Variants in ERBB4 observed in about 807,000 individuals in gnomAD.
The protein encoded by ERBB4 is receptor tyrosine-protein kinase erbB-4.
Under a neutral mutation model 158.0 loss-of-function variants are expected in ERBB4, and 42 were observed. The ratio of observed to expected loss-of-function variants is 0.27; its 90% CI spans 0.21 to 0.34. The LOEUF is 0.34. Among genes scored for constraint, ERBB4 ranks in the 10% least tolerant of loss-of-function variants. The pLI is 1.00. For synonymous variants in ERBB4, 583 were observed against 558.7 expected, an observed-to-expected ratio of 1.04 and a Z score of -0.61; for missense variants, 1,333 against 1,624.1, an observed-to-expected ratio of 0.82 and a Z score of 3.08.
At chr2:212,357,139 C>G (rs890558897) in intron 1 of ERBB4, among the ~76,000 whole-genome samples, 2 of 151,710 alleles carry the variant, frequency 1.3e-5, no homozygotes, top group Non-Finnish European at 2.9e-5. Context: ...TGTCTCTCAG[C>G]TTTTGCTTTT....
At chr2:211,397,569 A>G (rs1376053015) in intron 25 of ERBB4, among the ~76,000 whole-genome samples, 2 of 152,150 alleles carry the variant, frequency 1.3e-5, no homozygotes, top group African/African-American at 2.4e-5. Flanking sequence ...AAAAACATCT[A>G]TCGGCTGAGG....
At chr2:211,855,935 T>A (rs771238530) in intron 3 of ERBB4, among the ~76,000 whole-genome samples, 14 of 152,288 alleles carry the variant, frequency 9.2e-5, no homozygotes, top group Middle Eastern at 3.4e-3. Flanking sequence ...ATTCTACAGA[T>A]GAATGATTAA....
intron 20 of ERBB4, among the ~76,000 whole-genome samples, chr2:211,507,901 T>A (rs568940859): frequency 6.6e-6 from 1 of 152,154 alleles, no homozygotes; most frequent in African/African-American, 2.4e-5. Flanking sequence ...CCCTATTTAA[T>A]AAAAGGTTCT....
chr2:212,459,845 C>A (rs1041877115), intron 1 of ERBB4, among the ~76,000 whole-genome samples: 3 of 152,066 alleles, frequency 2.0e-5, no homozygotes, highest in African/African-American at 7.2e-5. Flanking sequence ...TGAGAAAGGA[C>A]AATCTTTTCA....
chr2:212,119,931 G>T (rs2079695541), intron 2 of ERBB4, among the ~76,000 whole-genome samples: 1 of 152,118 alleles, frequency 6.6e-6, no homozygotes, highest in African/African-American at 2.4e-5. Flanking sequence ...GCTCACTTTT[G>T]CTGTGTTCTT....
At chr2:211,931,997 T>C (rs1361269487) in intron 3 of ERBB4, among the ~76,000 whole-genome samples, 1 of 152,088 alleles carries the variant, frequency 6.6e-6, no homozygotes, top group Admixed American at 6.6e-5. Flanking sequence ...ACATAAGTGA[T>C]TGTGACTGTC....
chr2:211,453,580 T>C (rs1048632039), intron 20 of ERBB4, among the ~76,000 whole-genome samples: 1 of 152,294 alleles, frequency 6.6e-6, no homozygotes, highest in Non-Finnish European at 1.5e-5. Context: ...TATTTTCAAA[T>C]GAAAATCTCT....
intron 1 of ERBB4, among the ~76,000 whole-genome samples, chr2:212,368,913 C>T (rs528839177): frequency 6.6e-6 from 1 of 152,208 alleles, no homozygotes; most frequent in African/African-American, 2.4e-5. Context: ...GCCCGTGGAC[C>T]AGCAGCATTG....
At chr2:211,815,494 G>T (rs1025801578) in intron 3 of ERBB4, among the ~76,000 whole-genome samples, 1 of 152,102 alleles carries the variant, frequency 6.6e-6, no homozygotes, top group African/African-American at 2.4e-5. Flanking sequence ...GTTAAGAAAT[G>T]ATAACAAAAT....
intron 1 of ERBB4, among the ~76,000 whole-genome samples, chr2:212,359,119 A>G (rs2089582956): frequency 6.6e-6 from 1 of 151,772 alleles, no homozygotes; most frequent in African/African-American, 2.4e-5. Flanking sequence ...GTTCTTAAAA[A>G]TCATGAAATC....
chr2:212,373,724 C>T (rs1282626584), intron 1 of ERBB4, among the ~76,000 whole-genome samples: 1 of 136,260 alleles, frequency 7.3e-6, no homozygotes, highest in Non-Finnish European at 1.6e-5. Context: ...CATATATATC[C>T]ATATATATAT....
intron 19 of ERBB4, among the ~76,000 whole-genome samples, chr2:211,601,895 G>C (rs548007052): frequency 4.2e-4 from 64 of 151,932 alleles, no homozygotes; most frequent in African/African-American, 1.5e-3. Flanking sequence ...AAGTATTGGG[G>C]GTCATATAAT....
intron 3 of ERBB4, among the ~76,000 whole-genome samples, chr2:211,865,509 C>T (rs543195683): frequency 2.6e-5 from 4 of 151,952 alleles, no homozygotes; most frequent in South Asian, 4.2e-4. Context: ...TTTCTTGAGA[C>T]GGAGTTTCAC....
chr2:211,756,155 T>A (rs1182124622), intron 4 of ERBB4, among the ~76,000 whole-genome samples: 2 of 152,144 alleles, frequency 1.3e-5, no homozygotes, highest in African/African-American at 2.4e-5. Flanking sequence ...TACCCTGTCC[T>A]CAAGGAGGTT....
chr2:211,494,061 G>T (rs145568729), intron 20 of ERBB4, among the ~76,000 whole-genome samples: 1 of 152,116 alleles, frequency 6.6e-6, no homozygotes, highest in African/African-American at 2.4e-5. Flanking sequence ...GGAGTGCAGC[G>T]GTGCGATCTC....
chr2:211,801,997 C>T (rs1006198298), intron 3 of ERBB4, among the ~76,000 whole-genome samples: 2 of 152,154 alleles, frequency 1.3e-5, no homozygotes, highest in Non-Finnish European at 1.5e-5. Flanking sequence ...CGGTGGCTCA[C>T]GCCTGTAATC....
intron 1 of ERBB4, among the ~76,000 whole-genome samples, chr2:212,439,879 A>T (rs1214576773): frequency 1.3e-5 from 2 of 152,176 alleles, no homozygotes; most frequent in Admixed American, 6.6e-5. Context: ...TTTACATTTG[A>T]AGGACAAAAA....
intron 22 of ERBB4, among the ~76,000 whole-genome samples, chr2:211,426,319 A>G (rs1006276694): frequency 6.6e-6 from 1 of 152,186 alleles, no homozygotes. Context: ...TGTATATCAC[A>G]GCCAGTGCTT....
At chr2:212,206,607 A>G (rs1461020983) in intron 1 of ERBB4, among the ~76,000 whole-genome samples, 2 of 63,538 alleles carry the variant, frequency 3.1e-5, no homozygotes, top group Admixed American at 2.7e-4. Flanking sequence ...TTTTTTTTTG[A>G]GACGGAGTCT....
Sources: gnomAD v4.1 joint callset for allele counts (sites outside exome capture counted in the v4.1 genomes callset) on GRCh38, gnomAD v4.1.1 for gene constraint, MANE v1.5 for transcripts, NCBI Gene and HGNC (gene_info 2026-07-23, HGNC 2026-07-21) for gene names.